XPO4: variants seen among roughly 807,000 people sequenced by gnomAD.
The protein encoded by XPO4 is exportin-4.
Under a neutral mutation model 143.0 loss-of-function variants are expected in XPO4, and 39 were observed. The ratio of observed to expected loss-of-function variants is 0.27; its 90% CI spans 0.21 to 0.36. The LOEUF is 0.36. Among genes scored for constraint, XPO4 ranks in the 10% least tolerant of loss-of-function variants. The probability of loss-of-function intolerance (pLI) is 1.00; values close to 1 mark genes in which losing one functional copy is unlikely to be tolerated. For synonymous variants in XPO4, 439 were observed against 474.0 expected (o/e 0.93, Z 0.96); for missense variants, 907 against 1,348.0 (o/e 0.67, Z 5.12).
rs769875747 is a variant in XPO4, at chr13:20,808,538, G to C, written c.1537C>G (p.Arg513Gly). 4 of 1,563,406 alleles carry C rather than the reference G, an allele frequency of 2.6e-6. No individual in the cohort carries two copies. The highest frequency in any genetic ancestry group is 3.5e-6 in the Non-Finnish European group (4 of 1,144,092). Residue 513 changes from arginine to glycine, a missense_variant, in exon 12 of 23, where the codon CGA (arginine) becomes GGA (glycine). Transcript: ENST00000255305. The part of the protein sequence containing the change: ...RVTRLHGQLQ[R>G]HQQQLLASPG... ...GAAGCAAGTAACTGTTGCTGATGTC[G>C]TTGTAACTGACCATGGAGTCTTGTT...
intron 22 of XPO4, among the ~76,000 whole-genome samples, chr13:20,785,901 A>AGGGAG (rs1555329590): frequency 1.0e-4 from 13 of 126,392 alleles, no homozygotes; most frequent in Non-Finnish European, 1.1e-4. Context: ...AGAAAGAAAG[A>AGGGAG]GGAGGGAGGA....
intron 22 of XPO4, among the ~76,000 whole-genome samples, chr13:20,784,399 G>A (rs2059174998): frequency 6.6e-6 from 1 of 152,244 alleles, no homozygotes; most frequent in Admixed American, 6.5e-5. Context: ...ACAGGCAGGA[G>A]TCTTTTGGGA....
Position 20,838,609 on chromosome 13 carries a change from CAA to C in XPO4, c.727+4284_727+4285del, listed in dbSNP as rs36097222. 6.9e-3 allele frequency among the ~76,000 whole-genome samples: 602 copies of C among 87,696 alleles called. 4 individuals are homozygous for C. Among genetic ancestry groups the C allele is most frequent in the African/African-American group, 0.021 (487 of 23,444 alleles). 57.5% of individuals were successfully genotyped at this position (87,696 alleles called of 152,430 possible). On this transcript the variant is annotated intron_variant, in intron 6 of 22. Transcript: ENST00000255305. ...TGGGCAACACAGCAAGACTCCATCT[CAA>C]AAAAAAAAAAAAAAAAAAGAAAGAA...
chr13:20,814,626 G>A (rs1566578726), intron 9 of XPO4, among the ~76,000 whole-genome samples: 1 of 152,224 alleles, frequency 6.6e-6, no homozygotes, highest in African/African-American at 2.4e-5. Context: ...TGGCCACTCT[G>A]GCCAAAACCC....
intron 18 of XPO4, among the ~76,000 whole-genome samples, chr13:20,793,113 C>G (rs765240794): frequency 6.6e-5 from 10 of 152,156 alleles, no homozygotes; most frequent in Non-Finnish European, 1.2e-4. Context: ...AATATCTCAC[C>G]TAGTCCATTA....
chr13:20,852,785 A>G, intron 4 of XPO4: 1 of 984,996 alleles, frequency 1.0e-6, no homozygotes, highest in Non-Finnish European at 1.2e-6. Context: ...CTTGACTGAG[A>G]GCCTTTTCAC....
chr13:20,882,109 CAAAAAA>C (rs35404161), intron 1 of XPO4, among the ~76,000 whole-genome samples: 1 of 93,376 alleles, frequency 1.1e-5, no homozygotes. Flanking sequence ...GACTCGGTCT[CAAAAAA>C]AAAAAAAAAA....
chr13:20,842,424 C>T (rs17059114), intron 6 of XPO4, among the ~76,000 whole-genome samples: 5,832 of 152,126 alleles, frequency 0.038, 381 homozygotes, highest in African/African-American at 0.13. Flanking sequence ...GGTAAAGGCC[C>T]TTGAAGAGTA....
intron 4 of XPO4, among the ~76,000 whole-genome samples, chr13:20,854,649 A>T (rs1187504962): frequency 6.6e-6 from 1 of 152,210 alleles, no homozygotes; most frequent in African/African-American, 2.4e-5. Context: ...GTTAAATATC[A>T]TTCAGGTGAT....
In XPO4 at chr13:20,782,435, A is replaced by AT. The variant is rs1213541480; in HGVS notation, c.*1286dup. On this transcript the variant is annotated 3_prime_UTR_variant, in exon 23 of 23. Transcript: ENST00000255305. ...AGGGGAGCCTGGCAGCTGTATAAAA[A>AT]TCCTGATTAAGAGATCAAACTAGAG... 1.3e-5 allele frequency: 2 copies of AT among 152,732 alleles called. No individual in the cohort carries two copies. Among genetic ancestry groups the AT allele is most frequent in the Admixed American group, 6.5e-5 (1 of 15,304 alleles). 9.5% of individuals were successfully genotyped at this position (152,732 alleles called of 1,614,324 possible).
chr13:20,873,749 G>A lies in XPO4; in HGVS notation c.70-5048C>T, dbSNP rs376633497. Among the ~76,000 whole-genome samples the A allele has an allele frequency of 1.0e-3, 155 of 152,228 alleles. 3 individuals carry two copies. The South Asian group carries it at 0.026, about 26-fold the overall frequency. ...AGGTTCAAGCAATTCTCATGCCTCA[G>A]CTCGTCTAGTAGCTGGGACTACAGG... On this transcript the variant is annotated intron_variant, in intron 1 of 22. Coordinates refer to ENST00000255305, the MANE Select transcript of XPO4 (RefSeq NM_022459.5).
rs1387991435 is a variant in XPO4 at position 20,809,077 on chromosome 13, G to A, written c.1493+6C>T. Reference sequence around the variant, plus strand: ...GCTCCATGGGGTTTCTTTGGACTGTGTGTACCTTGTCAGAAGAGGTATACA... The same window carrying A: ...GCTCCATGGGGTTTCTTTGGACTGTATGTACCTTGTCAGAAGAGGTATACA... On this transcript the variant is annotated splice_donor_region_variant and intron_variant, in intron 11 of 22. Transcript: ENST00000255305. 1.9e-6 allele frequency: 3 copies of A among 1,613,132 alleles called. No homozygotes were observed. Among genetic ancestry groups the A allele is most frequent in the East Asian group, 2.2e-5 (1 of 44,892 alleles).
chr13:20,851,825 G>A lies in XPO4; in HGVS notation c.456+3802C>T, dbSNP rs914635912. The A allele has an allele frequency of 9.1e-6, 9 of 985,028 alleles. No individual in the cohort carries two copies. The African/African-American group carries it at 1.6e-4, about 17-fold the overall frequency. The allele number at this position is 985,028 out of a possible 1,614,324, so 61.0% of individuals were successfully genotyped here. On this transcript the variant is annotated intron_variant, in intron 4 of 22. Coordinates refer to ENST00000255305, the MANE Select transcript of XPO4 (RefSeq NM_022459.5). The stretch of plus-strand genomic sequence containing the variant: ...TACATTTATCCACTATTCTCAAAGT[G>A]TACACACTATGAAGAGAGCAAAATC...
At chr13:20,863,857 T>G (rs750669459) in intron 2 of XPO4, among the ~76,000 whole-genome samples, 1 of 152,188 alleles carries the variant, frequency 6.6e-6, no homozygotes, top group South Asian at 2.1e-4. Context: ...CAGAAGAGCA[T>G]GAAGATATAT....
intron 1 of XPO4, among the ~76,000 whole-genome samples, chr13:20,897,159 T>TA (rs2060577678): frequency 6.6e-6 from 1 of 152,162 alleles, no homozygotes; most frequent in Non-Finnish European, 1.5e-5. Context: ...AATGCATACT[T>TA]ACTATAATGC....
chr13:20,810,237 CAAGAA>C (rs905771448), intron 9 of XPO4, among the ~76,000 whole-genome samples: 3 of 151,828 alleles, frequency 2.0e-5, no homozygotes, highest in African/African-American at 7.3e-5. Flanking sequence ...TTTCTGTAGT[CAAGAA>C]GAGAATTGTT....
At chr13:20,879,094 G>A in intron 1 of XPO4, 6 of 984,678 alleles carry the variant, frequency 6.1e-6, no homozygotes, top group Non-Finnish European at 7.2e-6. Context: ...AAGCACTCAT[G>A]TGTTTACCCT....
Position 20,800,299 on chromosome 13 carries a change from G to C in XPO4, c.2004C>G (p.Phe668Leu), listed in dbSNP as rs537317747. 17 of 1,613,490 alleles carry C rather than the reference G, an allele frequency of 1.1e-5. No homozygotes were observed. The highest frequency in any genetic ancestry group is 2.7e-5 in the African/African-American group (2 of 74,752). The change falls in exon 15 of 23, where the codon TTC (phenylalanine) becomes TTG (leucine). Residue 668 changes from phenylalanine (F) to leucine (L), a missense_variant. Physicochemically the swap from Phe to Leu is conservative, Grantham distance 22. Transcript: ENST00000255305. ...DQISLPFSTA[F>L]GADTEGSQWI... ...ACTGAGAACCCTCTGTATCTGCTCC[G>C]AACGCTGTACTGAATGGCAGACTTA...
intron 9 of XPO4, among the ~76,000 whole-genome samples, chr13:20,819,046 C>A (rs1236646895): frequency 6.6e-6 from 1 of 152,212 alleles, no homozygotes; most frequent in Non-Finnish European, 1.5e-5. Context: ...TGGTCTCGAA[C>A]TCCTGACCTC....
Sources: gnomAD v4.1 joint callset for allele counts (sites outside exome capture counted in the v4.1 genomes callset) on GRCh38, gnomAD v4.1.1 for gene constraint, MANE v1.5 for transcripts, NCBI Gene and HGNC (gene_info 2026-07-23, HGNC 2026-07-21) for gene names.